SUGCT: variants seen among roughly 807,000 people sequenced by gnomAD.
SUGCT encodes the protein succinyl-CoA:glutarate-CoA transferase, also known as succinyl-CoA:glutarate CoA-transferase.
A neutral mutation model predicts 55.0 loss-of-function variants in SUGCT; 41 were observed. The observed-to-expected ratio is 0.74, with a 90% CI of 0.58 to 0.97. The LOEUF (loss-of-function observed/expected upper bound fraction) is 0.97. Among genes scored for constraint, SUGCT ranks in the 50% least tolerant of loss-of-function variants. The pLI is 0.00. For synonymous variants in SUGCT, 187 were observed against 200.4 expected (o/e 0.93, Z 0.56); for missense variants, 568 against 547.8 (o/e 1.04, Z -0.37).
At chr7:40,867,216 CCATA>C in the SUGCT span, among the ~76,000 whole-genome samples, 1 of 149,008 alleles carries the variant, frequency 6.7e-6, no homozygotes, top group African/African-American at 2.5e-5. Flanking sequence ...CCACATGCCC[CCATA>C]TATATGTCTC....
chr7:40,233,470 C>T (rs1382550168), intron 6 of SUGCT, among the ~76,000 whole-genome samples: 5 of 152,190 alleles, frequency 3.3e-5, no homozygotes, highest in East Asian at 1.9e-4. Flanking sequence ...CCACCCACCC[C>T]GGCCTCCCAA....
intron 13 of SUGCT, among the ~76,000 whole-genome samples, chr7:40,797,508 T>C (rs1440520611): frequency 1.3e-5 from 2 of 152,210 alleles, no homozygotes; most frequent in Non-Finnish European, 2.9e-5. Flanking sequence ...CTTCTGCTCT[T>C]ATTCCCCACA....
At chr7:40,157,427 G>A (rs1350038155) in intron 1 of SUGCT, among the ~76,000 whole-genome samples, 2 of 152,104 alleles carry the variant, frequency 1.3e-5, no homozygotes, top group African/African-American at 4.8e-5. Context: ...TGTCTATGGG[G>A]TATTAGGTAT....
At position 40,821,617 on chromosome 7, in the gene SUGCT, G is replaced by T. The variant is rs181247325; in HGVS notation, c.1154-38699G>T. Among the ~76,000 whole-genome samples, 39 of 152,006 alleles carry T rather than the reference G, an allele frequency of 2.6e-4. 1 individual carries two copies. In the East Asian group the frequency reaches 6.8e-3, roughly 26 times the overall value. Reference sequence around the variant, plus strand: ...TGTGGGATCGGTGGTGATATCCCCTGTATCATTTTTTATTGCATCTGTTTG... The same window carrying T: ...TGTGGGATCGGTGGTGATATCCCCTTTATCATTTTTTATTGCATCTGTTTG... On this transcript the variant is annotated intron_variant, in intron 13 of 13. Transcript: ENST00000335693.
chr7:40,156,812 C>T (rs538278646), intron 1 of SUGCT, among the ~76,000 whole-genome samples: 2 of 152,016 alleles, frequency 1.3e-5, no homozygotes, highest in Admixed American at 6.5e-5. Context: ...GTCAGGAGTT[C>T]GAGACCAGCC....
chr7:40,192,938 G>A (rs1002808327), intron 5 of SUGCT, among the ~76,000 whole-genome samples: 4 of 150,834 alleles, frequency 2.7e-5, no homozygotes, highest in African/African-American at 9.7e-5. Context: ...TGGCCAGCCT[G>A]CAGTTTATTT....
intron 6 of SUGCT, among the ~76,000 whole-genome samples, chr7:40,202,842 ACTC>A (rs1786688216): frequency 6.6e-6 from 1 of 151,540 alleles, no homozygotes; most frequent in African/African-American, 2.4e-5. Context: ...TTTCAGATAA[ACTC>A]CTTCTGCTTT....
the SUGCT span, among the ~76,000 whole-genome samples, chr7:40,903,123 C>T: frequency 1.3e-5 from 2 of 151,796 alleles, no homozygotes; most frequent in African/African-American, 4.8e-5. Context: ...CCTCCGCCTC[C>T]CGGGTTCAAG....
the SUGCT span, among the ~76,000 whole-genome samples, chr7:40,890,841 T>C: frequency 2.0e-5 from 3 of 152,174 alleles, no homozygotes; most frequent in African/African-American, 4.8e-5. Context: ...TATGAACCTC[T>C]TGACAAAGGA....
chr7:40,801,264 G>A (rs1249818559), intron 13 of SUGCT, among the ~76,000 whole-genome samples: 2 of 152,188 alleles, frequency 1.3e-5, no homozygotes, highest in Admixed American at 6.5e-5. Context: ...TCCCCCACCT[G>A]CAGAAATGTC....
chr7:40,898,672 A>G, the SUGCT span, among the ~76,000 whole-genome samples: 1 of 152,012 alleles, frequency 6.6e-6, no homozygotes, highest in African/African-American at 2.4e-5. Flanking sequence ...TGCAGTGAGC[A>G]GAGATCGCGC....
intron 13 of SUGCT, among the ~76,000 whole-genome samples, chr7:40,797,836 G>C (rs1790622396): frequency 6.6e-6 from 1 of 152,178 alleles, no homozygotes; most frequent in Non-Finnish European, 1.5e-5. Flanking sequence ...TTGCTTATAG[G>C]TCAGAATTCA....
At chr7:40,402,253 G>A (rs944991336) in intron 9 of SUGCT, among the ~76,000 whole-genome samples, 11 of 151,720 alleles carry the variant, frequency 7.3e-5, no homozygotes, top group South Asian at 2.1e-4. Flanking sequence ...TTCTGTCCCC[G>A]TCTTTCTTTT....
intron 13 of SUGCT, among the ~76,000 whole-genome samples, chr7:40,759,749 A>C (rs1195809154): frequency 6.6e-6 from 1 of 152,042 alleles, no homozygotes; most frequent in Non-Finnish European, 1.5e-5. Context: ...TAATATTTAC[A>C]TTTTAAGAAT....
rs1039864456 is a variant in SUGCT, at chr7:40,161,081, A to C, written c.101-19866A>C. Among the ~76,000 whole-genome samples, 5 of 152,142 alleles carry C rather than the reference A, an allele frequency of 3.3e-5. 1 individual carries two copies. Among genetic ancestry groups the C allele is most frequent in the African/African-American group, 1.2e-4 (5 of 41,436 alleles). On this transcript the variant is annotated intron_variant, in intron 1 of 13. Transcript: ENST00000335693. ...GCAAGTTCTTTGCTTCCCCTTCTCT[A>C]TCTCCAAAAACTCTGAAAGCACTAA...
intron 13 of SUGCT, among the ~76,000 whole-genome samples, chr7:40,817,187 A>G (rs1417344181): frequency 2.6e-5 from 4 of 152,156 alleles, no homozygotes; most frequent in Admixed American, 2.6e-4. Flanking sequence ...AGTAGTAAGT[A>G]CCTATAGTTG....
chr7:40,687,125 T>C (rs1407849233), intron 12 of SUGCT, among the ~76,000 whole-genome samples: 1 of 152,206 alleles, frequency 6.6e-6, no homozygotes, highest in Non-Finnish European at 1.5e-5. Flanking sequence ...TCTATCATCA[T>C]CTGTTGTTTC....
At chr7:40,972,681 G>C in the SUGCT span, among the ~76,000 whole-genome samples, 1 of 152,262 alleles carries the variant, frequency 6.6e-6, no homozygotes, top group East Asian at 1.9e-4. Context: ...AAATGGCCTT[G>C]GTAAAGAGTG....
chr7:40,372,404 T>C (rs1309282767), intron 9 of SUGCT, among the ~76,000 whole-genome samples: 1 of 152,154 alleles, frequency 6.6e-6, no homozygotes, highest in East Asian at 1.9e-4. Flanking sequence ...GTTTGCTCTC[T>C]TTTATTTTTC....
Sources: allele counts gnomAD v4.1 joint callset (sites outside exome capture counted in the v4.1 genomes callset), GRCh38; gene constraint gnomAD v4.1.1; transcripts MANE v1.5; gene names NCBI Gene and HGNC (gene_info 2026-07-23, HGNC 2026-07-21).